COL4A2: variants seen among roughly 807,000 people sequenced by gnomAD.
The protein encoded by COL4A2 is collagen alpha-2(IV) chain.
COL4A2 carries 99 observed loss-of-function variants against 200.2 expected under a neutral mutation model. The ratio of observed to expected loss-of-function variants is 0.49; its 90% confidence interval spans 0.42 to 0.58. COL4A2 has a LOEUF of 0.58. COL4A2 is among the 20% of genes least tolerant of loss of function. COL4A2 has a pLI of 0.00. For missense variants in COL4A2, 1,950 were observed against 2,314.1 expected, an observed-to-expected ratio of 0.84 and a Z score of 3.23; for synonymous variants, 897 against 900.6, an observed-to-expected ratio of 1.00 and a Z score of 0.07.
chr13:110,486,489 G>T (rs952424231), intron 34 of COL4A2, among the ~76,000 whole-genome samples: 2 of 152,162 alleles, frequency 1.3e-5, no homozygotes, highest in African/African-American at 4.8e-5. Flanking sequence ...TTCTAGCCTC[G>T]TTCATATGAA....
chr13:110,458,888 G>A lies in COL4A2; in HGVS notation c.1550G>A (p.Arg517Lys), dbSNP rs7990383. 0.58 allele frequency: 929,100 copies of A among 1,608,274 alleles called. 275,583 individuals carry two copies. Among genetic ancestry groups the A allele is most frequent in the African/African-American group, 0.69 (51,399 of 74,668 alleles). ...GGGGAGCCGGGGAGGAAAGGGGACA[G>A]AGGAGACCCCGGCCAACACGGCCTC... ...INGEPGRKGD[R>K]GDPGQHGLPG... is the part of the protein sequence containing the mutation. Residue 517 changes from arginine (R) to lysine (K), a missense_variant, in exon 22 of 48, where the codon AGA (arginine) becomes AAA (lysine). Coordinates refer to ENST00000360467, the MANE Select transcript of COL4A2 (RefSeq NM_001846.4).
intron 3 of COL4A2, among the ~76,000 whole-genome samples, chr13:110,349,316 C>T (rs906268508): frequency 6.6e-6 from 1 of 152,182 alleles, no homozygotes; most frequent in Admixed American, 6.5e-5. Context: ...CAGACATCTA[C>T]CAAGGAGGAC....
chr13:110,462,212 C>A (rs754354411), intron 23 of COL4A2, 26 bp downstream of exon 23: 1 of 1,614,270 alleles, frequency 6.2e-7, no homozygotes. Context: ...GCCACGCGGC[C>A]CCTGGGGCAC....
intron 3 of COL4A2, among the ~76,000 whole-genome samples, chr13:110,330,306 G>A (rs1275496076): frequency 3.9e-5 from 6 of 152,150 alleles, no homozygotes; most frequent in African/African-American, 7.2e-5. Context: ...GTTTCGGGGC[G>A]AGTGTGGAAA....
intron 3 of COL4A2, among the ~76,000 whole-genome samples, chr13:110,335,788 T>C (rs2139366357): frequency 6.6e-6 from 1 of 152,334 alleles, no homozygotes. Flanking sequence ...AATTACTAGA[T>C]GCCTTTCTTC....
chr13:110,493,418 T>G, intron 39 of COL4A2, 136 bp downstream of exon 39: 1 of 873,164 alleles, frequency 1.1e-6, no homozygotes, highest in Non-Finnish European at 1.8e-6. Flanking sequence ...TGCTATGCGA[T>G]CGGCCGTGAG....
At chr13:110,359,077 A>G (rs1291199944) in intron 4 of COL4A2, among the ~76,000 whole-genome samples, 1 of 152,236 alleles carries the variant, frequency 6.6e-6, no homozygotes, top group Non-Finnish European at 1.5e-5. Flanking sequence ...ACTAGGGAGC[A>G]CTGGCAGTTG....
At chr13:110,343,037 A>G (rs1439089098) in intron 3 of COL4A2, among the ~76,000 whole-genome samples, 1 of 152,206 alleles carries the variant, frequency 6.6e-6, no homozygotes, top group African/African-American at 2.4e-5. Flanking sequence ...GTGCATGCTA[A>G]TTCCAAATTA....
At chr13:110,494,457 G>A (rs1465386755) in intron 39 of COL4A2, among the ~76,000 whole-genome samples, 1 of 151,988 alleles carries the variant, frequency 6.6e-6, no homozygotes, top group African/African-American at 2.4e-5. Context: ...AACATTTGAA[G>A]GACATCAGGC....
At chr13:110,324,843 C>A (rs1292327406) in intron 3 of COL4A2, among the ~76,000 whole-genome samples, 1 of 152,208 alleles carries the variant, frequency 6.6e-6, no homozygotes, top group African/African-American at 2.4e-5. Context: ...GAGGACCACC[C>A]TACGCTTGCC....
At chr13:110,498,986 G>A (rs1478769594) in intron 40 of COL4A2, among the ~76,000 whole-genome samples, 1 of 152,236 alleles carries the variant, frequency 6.6e-6, no homozygotes, top group African/African-American at 2.4e-5. Flanking sequence ...TTCAGAGCAG[G>A]TCCTGGAGGC....
chr13:110,402,919 G>A (rs545691160), intron 4 of COL4A2, among the ~76,000 whole-genome samples: 1 of 152,340 alleles, frequency 6.6e-6, no homozygotes, highest in Admixed American at 6.5e-5. Flanking sequence ...TCCTGCTTGT[G>A]TCCTCCAGAG....
At chr13:110,485,590 A>G (rs953935007) in intron 33 of COL4A2, 65 bp from the exon 34 acceptor site, 2 of 1,323,782 alleles carry the variant, frequency 1.5e-6, no homozygotes, top group Non-Finnish European at 2.1e-6. Context: ...AGGCTGCAAA[A>G]TTGAAAACTG....
chr13:110,419,572 G>A (rs917566981), intron 4 of COL4A2, among the ~76,000 whole-genome samples: 13 of 152,228 alleles, frequency 8.5e-5, no homozygotes, highest in African/African-American at 3.1e-4. Flanking sequence ...TCTCAGAAGT[G>A]AAATTCCCCA....
At chr13:110,422,093 A>C (rs1232394059) in intron 4 of COL4A2, among the ~76,000 whole-genome samples, 1 of 152,190 alleles carries the variant, frequency 6.6e-6, no homozygotes, top group African/African-American at 2.4e-5. Flanking sequence ...TGGGCAATAA[A>C]GCGACAGTCC....
Position 110,429,917 on chromosome 13 carries a change from G to A in COL4A2, c.510G>A (p.Glu170=). The A allele has an allele frequency of 1.2e-6, 2 of 1,612,794 alleles. No individual in the cohort carries two copies. Among genetic ancestry groups the A allele is most frequent in the Middle Eastern group, 3.3e-4 (2 of 6,056 alleles). Reference sequence around the variant, plus strand: ...AAGGACCAAAAGGGCAGAAAGGTGAGCCTTATGCACTGCCTAAAGAGGAGC... The same window carrying A: ...AAGGACCAAAAGGGCAGAAAGGTGAACCTTATGCACTGCCTAAAGAGGAGC... ...GPQGPKGQKG[E]PYALPKEERD... The change falls in exon 8 of 48, where the codon GAG becomes GAA. Residue 170 remains glutamate, a synonymous_variant. Coordinates refer to ENST00000360467, the MANE Select transcript of COL4A2 (RefSeq NM_001846.4).
chr13:110,474,786 T>C (rs1882629291), intron 29 of COL4A2, among the ~76,000 whole-genome samples: 1 of 142,318 alleles, frequency 7.0e-6, no homozygotes, highest in Non-Finnish European at 1.5e-5. Context: ...CCCACACACG[T>C]GCCTGTGTAC....
chr13:110,479,360 C>CTCTCT (rs1882811921), intron 30 of COL4A2, among the ~76,000 whole-genome samples: 1 of 11,876 alleles, frequency 8.4e-5, no homozygotes. Flanking sequence ...ACAGGCAGGT[C>CTCTCT]AGAGCAAGCC....
intron 4 of COL4A2, among the ~76,000 whole-genome samples, chr13:110,377,362 CT>C (rs1878280237): frequency 6.6e-6 from 1 of 152,180 alleles, no homozygotes; most frequent in African/African-American, 2.4e-5. Flanking sequence ...TGTGGTGAGC[CT>C]ACCCCTCACT....
Sources: allele counts gnomAD v4.1 joint callset (sites outside exome capture counted in the v4.1 genomes callset), GRCh38; gene constraint gnomAD v4.1.1; transcripts MANE v1.5; gene names NCBI Gene and HGNC (gene_info 2026-07-23, HGNC 2026-07-21).